CAPN8: variants seen among roughly 807,000 people sequenced by gnomAD.
CAPN8 encodes the protein calpain-8.
Under a neutral mutation model 80.9 loss-of-function variants are expected in CAPN8, and 87 were observed. The ratio of observed to expected loss-of-function variants is 1.07; its 90% confidence interval spans 0.90 to 1.28. The LOEUF (loss-of-function observed/expected upper bound fraction) is 1.28. Among genes scored for constraint, CAPN8 ranks in the 50% most tolerant of loss-of-function variants. The probability of loss-of-function intolerance (pLI) is 0.00; values close to 1 mark genes in which losing one functional copy is unlikely to be tolerated. For missense variants in CAPN8, 757 were observed against 702.0 expected (o/e 1.08, Z -0.89); for synonymous variants, 299 against 273.8 (o/e 1.09, Z -0.91).
intron 1 of CAPN8, among the ~76,000 whole-genome samples, chr1:223,660,653 A>T (rs1448677205): frequency 6.6e-6 from 1 of 152,212 alleles, no homozygotes; most frequent in African/African-American, 2.4e-5. Context: ...CTAAGTATCA[A>T]TCTTTATTTT....
At chr1:223,550,213 G>C (rs1054695604) in intron 15 of CAPN8, among the ~76,000 whole-genome samples, 4 of 152,218 alleles carry the variant, frequency 2.6e-5, no homozygotes, top group Non-Finnish European at 4.4e-5. Flanking sequence ...GTGGTGTGGA[G>C]AGGAGACGGG....
At chr1:223,665,055 A>C (rs1302409118) in intron 1 of CAPN8, among the ~76,000 whole-genome samples, 1 of 152,098 alleles carries the variant, frequency 6.6e-6, no homozygotes, top group South Asian at 2.1e-4. Flanking sequence ...GGAGTTTGAG[A>C]CCAGCCTGAC....
chr1:223,643,954 A>T (rs1307263918), intron 2 of CAPN8, among the ~76,000 whole-genome samples: 3 of 152,190 alleles, frequency 2.0e-5, no homozygotes, highest in Admixed American at 1.3e-4. Flanking sequence ...TTTTAAAAAA[A>T]ATTTTTTTAA....
intron 7 of CAPN8, among the ~76,000 whole-genome samples, chr1:223,621,730 G>A (rs148370316): frequency 9.9e-5 from 15 of 152,216 alleles, no homozygotes; most frequent in African/African-American, 3.6e-4. Flanking sequence ...TAAACTTGGC[G>A]ATGTCCCCTT....
intron 2 of CAPN8, among the ~76,000 whole-genome samples, chr1:223,643,303 C>A (rs976814737): frequency 2.6e-5 from 4 of 152,232 alleles, no homozygotes. Context: ...GCAGTTCCAA[C>A]TCCGGGCTAG....
At chr1:223,627,500 T>C (rs535341221) in intron 4 of CAPN8, among the ~76,000 whole-genome samples, 67 of 152,314 alleles carry the variant, frequency 4.4e-4, no homozygotes, top group African/African-American at 1.6e-3. Flanking sequence ...AGGCATCTGC[T>C]GAGGCTTGCT....
intron 6 of CAPN8, among the ~76,000 whole-genome samples, chr1:223,623,544 TG>T (rs370014318): frequency 3.1e-4 from 47 of 152,168 alleles, no homozygotes; most frequent in African/African-American, 1.0e-3. Flanking sequence ...ATAAGCCCCT[TG>T]GGCCCCTGCA....
chr1:223,648,272 T>A (rs1302656663), intron 2 of CAPN8, among the ~76,000 whole-genome samples: 3 of 152,188 alleles, frequency 2.0e-5, no homozygotes, highest in African/African-American at 7.2e-5. Flanking sequence ...TTCCCCCGAA[T>A]CACGGTTAAG....
At chr1:223,646,719 C>A (rs1231450341) in intron 2 of CAPN8, among the ~76,000 whole-genome samples, 1 of 152,100 alleles carries the variant, frequency 6.6e-6, no homozygotes, top group Non-Finnish European at 1.5e-5. Flanking sequence ...CTGAAGAAGC[C>A]CAAGACTCAC....
intron 2 of CAPN8, among the ~76,000 whole-genome samples, chr1:223,638,585 C>A (rs12729023): frequency 0.38 from 58,476 of 151,966 alleles, 12,460 homozygotes; most frequent in Non-Finnish European, 0.49. Context: ...TGATAAGGAA[C>A]AATTCCCTGG....
In CAPN8 at chr1:223,625,828, A is replaced by G; in HGVS notation, c.790T>C (p.Tyr264His). 2 of 1,551,450 alleles carry G rather than the reference A, an allele frequency of 1.3e-6. No homozygotes were observed. Among genetic ancestry groups the G allele is most frequent in the South Asian group, 2.4e-5 (2 of 84,052 alleles). Residue 264 changes from tyrosine to histidine, a missense_variant, in exon 6 of 21, where the codon TAC becomes CAC. Coordinates refer to ENST00000366872, the MANE Select transcript of CAPN8 (RefSeq NM_001143962.2). ...ACCTCTTCGACTCCAGTGACAGAGTACGCATGACTCTTAACCAGCTTCTGG... is the reference window on the plus strand; with the variant it reads ...ACCTCTTCGACTCCAGTGACAGAGTGCGCATGACTCTTAACCAGCTTCTGG... ...TSQKLVKSHA[Y>H]SVTGVEEVNF...
chr1:223,547,077 C>T (rs141733557), intron 16 of CAPN8, among the ~76,000 whole-genome samples: 11,558 of 152,154 alleles, frequency 0.076, 570 homozygotes, highest in African/African-American at 0.14. Context: ...TCACGCCTGG[C>T]TAATTTTTGT....
At chr1:223,642,000 T>C (rs1658055450) in intron 2 of CAPN8, among the ~76,000 whole-genome samples, 2 of 152,204 alleles carry the variant, frequency 1.3e-5, no homozygotes. Context: ...GCCCACCTCC[T>C]ACTGTACTTG....
intron 2 of CAPN8, among the ~76,000 whole-genome samples, chr1:223,634,828 G>T (rs1657870791): frequency 6.6e-6 from 1 of 152,188 alleles, no homozygotes; most frequent in South Asian, 2.1e-4. Context: ...TGGATGTTAG[G>T]ATTGCAAGAT....
intron 10 of CAPN8, chr1:223,615,643 C>T (rs1657147895): frequency 2.1e-6 from 1 of 465,214 alleles, no homozygotes; most frequent in Non-Finnish European, 4.3e-6. Context: ...GCCTTATGCC[C>T]CCATGTTCTT....
intron 6 of CAPN8, among the ~76,000 whole-genome samples, chr1:223,624,201 C>T (rs915209066): frequency 2.0e-5 from 3 of 152,256 alleles, no homozygotes; most frequent in East Asian, 1.9e-4. Flanking sequence ...CTCAGCCTCC[C>T]GAGTAGCTGG....
intron 1 of CAPN8, among the ~76,000 whole-genome samples, chr1:223,657,908 T>G (rs1658542329): frequency 6.6e-6 from 1 of 152,178 alleles, no homozygotes; most frequent in Admixed American, 6.5e-5. Context: ...TCTCTTTGCA[T>G]TTGGTACCGT....
chr1:223,541,919 A>AG, intron 20 of CAPN8, 60 bp from the exon 21 acceptor site: 1 of 1,550,996 alleles, frequency 6.4e-7, no homozygotes, highest in African/African-American at 1.4e-5. Context: ...TGCTTTCACC[A>AG]TTGATGCTCT....
Position 223,549,166 on chromosome 1 carries a change from C to T in CAPN8, c.1764+152G>A, listed in dbSNP as rs1237413517. On this transcript the variant is annotated intron_variant, in intron 16 of 20. Coordinates refer to ENST00000366872, the MANE Select transcript of CAPN8 (RefSeq NM_001143962.2). ...TGATATGATACATTTTCCTTTGAGGCTTCAAGTACAATCCTTGACATATGC... is the reference window on the plus strand; with the variant it reads ...TGATATGATACATTTTCCTTTGAGGTTTCAAGTACAATCCTTGACATATGC... Among the ~76,000 whole-genome samples the T allele has an allele frequency of 2.0e-5, 3 of 152,218 alleles. No homozygotes were observed. In the East Asian group the frequency reaches 5.8e-4, roughly 29 times the overall value.
Sources: gnomAD v4.1 joint callset for allele counts (sites outside exome capture counted in the v4.1 genomes callset) on GRCh38, gnomAD v4.1.1 for gene constraint, MANE v1.5 for transcripts, NCBI Gene and HGNC (gene_info 2026-07-23, HGNC 2026-07-21) for gene names.